Variants in TRPM8 observed in about 807,000 individuals in gnomAD.
TRPM8 encodes the protein transient receptor potential cation channel subfamily M member 8, also known as TRPM8 cationic channel.
In TRPM8, 110 loss-of-function variants were observed where a neutral mutation model predicts 133.7. That is an observed-to-expected ratio of 0.82 (90% CI 0.70 to 0.96). TRPM8 has a LOEUF of 0.96. Among genes scored for constraint, TRPM8 ranks in the 40% least tolerant of loss-of-function variants. The pLI, the probability that TRPM8 is intolerant of heterozygous loss-of-function variation, is 0.00. For missense variants in TRPM8, 1,291 were observed against 1,379.5 expected, an observed-to-expected ratio of 0.94 and a Z score of 1.02; for synonymous variants, 535 against 532.3, an observed-to-expected ratio of 1.01 and a Z score of -0.07.
chr2:233,931,343 C>T lies in TRPM8; in HGVS notation c.191+602C>T, dbSNP rs771613242. ...CATTTGAATCTAATTAAACAATTTT[C>T]GTCCTACCTCCCACTCTCCTTATTC... On this transcript the variant is annotated intron_variant, in intron 3 of 25. Transcript: ENST00000324695. 4.6e-5 allele frequency among the ~76,000 whole-genome samples: 7 copies of T among 152,282 alleles called. 1 individual carries two copies. In the South Asian group the frequency reaches 1.0e-3, roughly 23 times the overall value.
At position 233,991,333 on chromosome 2, in the gene TRPM8, G is replaced by A. The variant is rs372520775; in HGVS notation, c.2940-4993G>A. On this transcript the variant is annotated intron_variant, in intron 21 of 25. Coordinates refer to ENST00000324695, the MANE Select transcript of TRPM8 (RefSeq NM_024080.5). ...ATTCCAAAATCAGTGTGATCCAATC[G>A]CTTGTCATCTCTTACTGCTGGCTGT... Among the ~76,000 whole-genome samples, 25 of 152,272 alleles carry A rather than the reference G, an allele frequency of 1.6e-4. No homozygotes were observed. In the East Asian group the frequency reaches 3.9e-3, roughly 23 times the overall value.
chr2:233,939,673 A>T (rs1348536257), intron 5 of TRPM8, among the ~76,000 whole-genome samples: 1 of 152,252 alleles, frequency 6.6e-6, no homozygotes. Context: ...ATTTTAAAAA[A>T]TTTTGAATCT....
rs528519931 is a variant in TRPM8 at position 233,982,988 on chromosome 2, G to A, written c.2590-65G>A. On this transcript the variant is annotated intron_variant, in intron 19 of 25. Transcript: ENST00000324695. ...TCTCCATGGTCCACTGAGGACGGCCGGGCCGGGGGGACTTGCCAACTGTGG... is the reference window on the plus strand; with the variant it reads ...TCTCCATGGTCCACTGAGGACGGCCAGGCCGGGGGGACTTGCCAACTGTGG... The A allele has an allele frequency of 8.2e-4, 1,283 of 1,555,694 alleles. 20 individuals carry two copies. In the South Asian group the frequency reaches 0.014, roughly 18 times the overall value.
At chr2:233,981,632 G>C (rs1042674173) in intron 18 of TRPM8, 142 bp from the exon 19 acceptor site, 8 of 721,338 alleles carry the variant, frequency 1.1e-5, no homozygotes, top group Non-Finnish European at 1.5e-5. Context: ...CATGGCCTCT[G>C]CTGGGTGGTG....
chr2:233,977,959 G>T (rs1485812020), intron 17 of TRPM8, among the ~76,000 whole-genome samples: 4 of 152,082 alleles, frequency 2.6e-5, no homozygotes, highest in African/African-American at 9.7e-5. Context: ...GAATAATCCT[G>T]CCCAATCTAG....
intron 17 of TRPM8, among the ~76,000 whole-genome samples, chr2:233,975,813 C>A (rs1691857987): frequency 6.6e-6 from 1 of 152,192 alleles, no homozygotes; most frequent in Non-Finnish European, 1.5e-5. Context: ...ACCCTGGAGG[C>A]AGAGGTTGCA....
At chr2:233,968,764 G>T (rs1369878810) in intron 15 of TRPM8, among the ~76,000 whole-genome samples, 1 of 152,030 alleles carries the variant, frequency 6.6e-6, no homozygotes, top group East Asian at 1.9e-4. Flanking sequence ...TGATGTGGTC[G>T]AGTCTATGCT....
Position 234,017,564 on chromosome 2 carries a change from C to T in TRPM8, c.*308C>T. 3.4e-6 allele frequency: 1 copy of T among 296,994 alleles called. No individual in the cohort carries two copies. The highest frequency in any genetic ancestry group is 4.7e-5 in the Admixed American group (1 of 21,400). The allele number at this position is 296,994 out of a possible 1,614,324, so 18.4% of individuals were successfully genotyped here. ...TAGTTTAAGTGTGTTCTTACCGCCT[C>T]CTTTTTCCTTTAATCTTATTTTTGA... On this transcript the variant is annotated 3_prime_UTR_variant, in exon 26 of 26. Transcript: ENST00000324695.
chr2:233,978,197 T>TTGTGTGTGTGTG (rs763707549), intron 17 of TRPM8, among the ~76,000 whole-genome samples: 2 of 70,488 alleles, frequency 2.8e-5, no homozygotes, highest in South Asian at 9.3e-4. Flanking sequence ...TGGAATATTA[T>TTGTGTGTGTGTG]AGTGTGTGTG....
At chr2:234,008,993 G>C (rs1196843749) in intron 24 of TRPM8, among the ~76,000 whole-genome samples, 2 of 152,208 alleles carry the variant, frequency 1.3e-5, no homozygotes, top group African/African-American at 4.8e-5. Context: ...GTTGTAAGCA[G>C]CTGAAATGAG....
At chr2:234,006,163 T>C (rs1574788052) in intron 22 of TRPM8, among the ~76,000 whole-genome samples, 2 of 152,352 alleles carry the variant, frequency 1.3e-5, no homozygotes, top group South Asian at 4.1e-4. Flanking sequence ...ATGTGCTCTC[T>C]TGTCCCCGTG....
chr2:233,966,579 C>G (rs1427442215), intron 14 of TRPM8, 31 bp from the exon 15 acceptor site: 1 of 1,613,202 alleles, frequency 6.2e-7, no homozygotes, highest in Non-Finnish European at 8.5e-7. Flanking sequence ...AGCTCTTACA[C>G]CAGCTTCTCT....
intron 6 of TRPM8, among the ~76,000 whole-genome samples, chr2:233,944,444 G>A (rs192940147): frequency 1.7e-4 from 26 of 152,290 alleles, no homozygotes; most frequent in Admixed American, 1.4e-3. Context: ...CTCTGAATGG[G>A]AATGAGAAAA....
chr2:233,921,677 CTTTT>C, intron 1 of TRPM8, among the ~76,000 whole-genome samples: 1 of 106,652 alleles, frequency 9.4e-6, no homozygotes, highest in African/African-American at 3.8e-5. Flanking sequence ...CTTTTCTTTT[CTTTT>C]TTTTTTTTTT....
At chr2:233,999,522 G>A (rs1008614362) in intron 22 of TRPM8, among the ~76,000 whole-genome samples, 14 of 151,916 alleles carry the variant, frequency 9.2e-5, no homozygotes, top group Middle Eastern at 3.4e-3. Flanking sequence ...GCCCTGTTTG[G>A]CCATCGTGGC....
At chr2:233,953,845 CA>C (rs1691227930) in intron 9 of TRPM8, 71 bp from the exon 10 acceptor site, 2 of 1,189,936 alleles carry the variant, frequency 1.7e-6, no homozygotes, top group Non-Finnish European at 1.2e-6. Context: ...AGATCTCTCA[CA>C]AAAAGAAAGA....
chr2:233,944,935 A>T (rs1026504321), intron 6 of TRPM8, among the ~76,000 whole-genome samples: 2 of 152,202 alleles, frequency 1.3e-5, no homozygotes, highest in African/African-American at 4.8e-5. Flanking sequence ...GAGAAAAGTG[A>T]GGCATACAGA....
intron 1 of TRPM8, among the ~76,000 whole-genome samples, chr2:233,925,238 T>C (rs1375104533): frequency 1.3e-5 from 2 of 152,210 alleles, no homozygotes; most frequent in Non-Finnish European, 2.9e-5. Context: ...TAAATAAATA[T>C]GCAGATCTCC....
chr2:233,974,984 A>AT (rs532387161), intron 17 of TRPM8, among the ~76,000 whole-genome samples: 26 of 152,010 alleles, frequency 1.7e-4, no homozygotes, highest in African/African-American at 2.7e-4. Flanking sequence ...AACTTACTGA[A>AT]TTTTTTTTGA....
Sources: allele counts gnomAD v4.1 joint callset (sites outside exome capture counted in the v4.1 genomes callset), GRCh38; gene constraint gnomAD v4.1.1; transcripts MANE v1.5; gene names NCBI Gene and HGNC (gene_info 2026-07-23, HGNC 2026-07-21).